Variants in CLEC4E observed in about 807,000 individuals in gnomAD.
CLEC4E encodes the protein C-type (calcium dependent, carbohydrate-recognition domain) lectin, superfamily member 9.
In CLEC4E, 21 loss-of-function variants were observed where a neutral mutation model predicts 24.7. The ratio of observed to expected loss-of-function variants is 0.85; its 90% CI spans 0.60 to 1.22. The LOEUF is 1.22. CLEC4E is among the 50% of genes most tolerant of loss of function. The pLI is 0.00. For missense variants in CLEC4E, 249 were observed against 254.1 expected (o/e 0.98, Z 0.14); for synonymous variants, 94 against 85.7 (o/e 1.10, Z -0.54).
At position 8,540,814 on chromosome 12, in the gene CLEC4E, GTT is replaced by G; in HGVS notation, c.-19_-18del. The stretch of plus-strand genomic sequence containing the variant: ...TGAATTCATTTTTTCTCTCTCTTTG[GTT>G]TTTTGTTTCTCTCTCTCTCTTTTTC... On this transcript the variant is annotated 5_prime_UTR_variant, in exon 1 of 6. Transcript: ENST00000299663. 6.5e-7 allele frequency: 1 copy of G among 1,540,098 alleles called. No individual in the cohort carries two copies. Among genetic ancestry groups the G allele is most frequent in the Non-Finnish European group, 8.9e-7 (1 of 1,128,232 alleles).
At position 8,539,261 on chromosome 12, in the gene CLEC4E, A is replaced by G. The variant is rs1169968939; in HGVS notation, c.176T>C (p.Leu59Pro). The stretch of plus-strand genomic sequence containing the variant: ...GGAGAGCTCTGTGAAATTCTCAGGT[A>G]GCTGAAACTTTTTCTCATCACAGGT... ...FQTCDEKKFQ[L>P]PENFTELSCY... Residue 59 changes from leucine (L) to proline (P), a missense_variant, in exon 3 of 6, where the codon CTA (leucine) becomes CCA (proline). Transcript: ENST00000299663. The G allele has an allele frequency of 1.9e-6, 3 of 1,613,612 alleles. No individual in the cohort carries two copies. The highest frequency in any genetic ancestry group is 1.7e-5 in the Admixed American group (1 of 59,998).
rs1940627824 is a variant in CLEC4E at position 8,537,221 on chromosome 12, G to T, written c.266C>A (p.Ser89Tyr). The change falls in exon 4 of 6, where the codon TCC becomes TAC. Residue 89 changes from serine (S) to tyrosine (Y), a missense_variant. Physicochemically the swap from Ser to Tyr is moderately radical, Grantham distance 144 (BLOSUM62 -2). Transcript: ENST00000299663. ...CCPLNWEYFQ[S>Y]SCYFFSTDTI... ...GTCAGTAGAAAAGAAGTAGCAGCTGGATTGAAAATATTCCCAGTTCAATGG... is the reference window on the plus strand; with the variant it reads ...GTCAGTAGAAAAGAAGTAGCAGCTGTATTGAAAATATTCCCAGTTCAATGG... The T allele has an allele frequency of 6.2e-7, 1 of 1,613,654 alleles. No individual in the cohort carries two copies.
chr12:8,534,698 A>G lies in CLEC4E; in HGVS notation c.600T>C (p.Asn200=), dbSNP rs770996250. 6.2e-7 allele frequency: 1 copy of G among 1,614,058 alleles called. No homozygotes were observed. The highest frequency in any genetic ancestry group is 8.5e-7 in the Non-Finnish European group (1 of 1,179,948). ...CTACCATTTCACAAATCCGAAAATAATTGAGGAAACAGGTTACATCATTCC... is the reference window on the plus strand; with the variant it reads ...CTACCATTTCACAAATCCGAAAATAGTTGAGGAAACAGGTTACATCATTCC... ...QNWNDVTCFL[N]YFRICEMVGI... The change falls in exon 6 of 6, where the codon AAT becomes AAC. Residue 200 remains asparagine, a synonymous_variant. Coordinates refer to ENST00000299663, the MANE Select transcript of CLEC4E (RefSeq NM_014358.4).
chr12:8,538,624 G>C (rs1170656416), intron 3 of CLEC4E, among the ~76,000 whole-genome samples: 1 of 152,168 alleles, frequency 6.6e-6, no homozygotes, highest in East Asian at 1.9e-4. Context: ...TTTGTCTTGT[G>C]TCTTTATTTC....
chr12:8,540,047 C>G, intron 1 of CLEC4E, 100 bp from the exon 2 acceptor site: 1 of 809,808 alleles, frequency 1.2e-6, no homozygotes, highest in Non-Finnish European at 2.1e-6. Context: ...CCTTCTACTT[C>G]CATTGTTTGT....
intron 5 of CLEC4E, among the ~76,000 whole-genome samples, chr12:8,535,210 GCAGTGATGTTA>G (rs1940596415): frequency 6.6e-6 from 1 of 152,164 alleles, no homozygotes; most frequent in East Asian, 1.9e-4. Context: ...GGTGCATCCT[GCAGTGATGTTA>G]CAGTGTGGTA....
chr12:8,539,933 A>G lies in CLEC4E; in HGVS notation c.52T>C (p.Ser18Pro). 6.2e-7 allele frequency: 1 copy of G among 1,604,544 alleles called. No homozygotes were observed. The highest frequency in any genetic ancestry group is 8.5e-7 in the Non-Finnish European group (1 of 1,171,222). Residue 18 changes from serine to proline, a missense_variant, in exon 2 of 6, where the codon TCT (serine) becomes CCT (proline). Coordinates refer to ENST00000299663, the MANE Select transcript of CLEC4E (RefSeq NM_014358.4). ...ETQCTERGCF[S>P]SQMFLWTVAG... is the part of the protein sequence containing the mutation. ...ACAGTCCATAAGAACATTTGGGAAG[A>G]GAAGCATCCTCTCTCTGTAGAAAGA...
At chr12:8,539,088 T>C in intron 3 of CLEC4E, 129 bp downstream of exon 3, 1 of 639,784 alleles carries the variant, frequency 1.6e-6, no homozygotes, top group Non-Finnish European at 2.7e-6. Context: ...ACCAAATTTC[T>C]AGGATTTTAC....
chr12:8,540,660 T>C, intron 1 of CLEC4E, 101 bp downstream of exon 1: 1 of 1,063,602 alleles, frequency 9.4e-7, no homozygotes, highest in Non-Finnish European at 1.4e-6. Context: ...CTTTTTTTTT[T>C]AACTTCAGTG....
intron 5 of CLEC4E, among the ~76,000 whole-genome samples, 168 bp from the exon 6 acceptor site, chr12:8,534,977 C>A (rs752500807): frequency 6.6e-6 from 1 of 152,206 alleles, no homozygotes; most frequent in East Asian, 1.9e-4. Context: ...GGAAGCTAAA[C>A]TAGTTGTCGA....
chr12:8,534,732 C>T lies in CLEC4E; in HGVS notation c.566G>A (p.Arg189Lys). The T allele has an allele frequency of 6.2e-7, 1 of 1,613,996 alleles. No individual in the cohort carries two copies. The highest frequency in any genetic ancestry group is 2.2e-5 in the East Asian group (1 of 44,872). The change falls in exon 6 of 6, where the codon AGG becomes AAG. Residue 189 changes from arginine (R) to lysine (K), a missense_variant. By Grantham distance (26) the Arg-to-Lys change is conservative. Coordinates refer to ENST00000299663, the MANE Select transcript of CLEC4E (RefSeq NM_014358.4). ...CATMRDSSNP[R>K]QNWNDVTCFL... ...ACAGGTTACATCATTCCAATTTTGC[C>T]TTGGGTTTGAAGAGTCTCTCATGGT...
At position 8,534,565 on chromosome 12, in the gene CLEC4E, C is replaced by A; in HGVS notation, c.*73G>T. On this transcript the variant is annotated 3_prime_UTR_variant, in exon 6 of 6. Transcript: ENST00000299663. ...CCTTTGAAGTTCAGCGCACAAATTT[C>A]TCGTGTGGGGCGGTGGGTGTGGCCA... The A allele has an allele frequency of 8.7e-7, 1 of 1,154,674 alleles. No homozygotes were observed. The highest frequency in any genetic ancestry group is 1.2e-6 in the Non-Finnish European group (1 of 807,068). 71.5% of individuals were successfully genotyped at this position (1,154,674 alleles called of 1,614,324 possible).
chr12:8,536,261 G>A lies in CLEC4E; in HGVS notation c.373-56C>T. 4.0e-6 allele frequency: 4 copies of A among 1,004,870 alleles called. No homozygotes were observed. The South Asian group carries it at 5.2e-5, about 13-fold the overall frequency. The allele number at this position is 1,004,870 out of a possible 1,614,324, so 62.2% of individuals were successfully genotyped here. A position where few individuals can be genotyped will look rare whatever the true frequency, so the allele number is the denominator to read the frequency against. On this transcript the variant is annotated intron_variant, in intron 4 of 5. Coordinates refer to ENST00000299663, the MANE Select transcript of CLEC4E (RefSeq NM_014358.4). ...GTTATTTTAGTTTTGAATAAACGTT[G>A]CTAGTAATTATTATTCAAAGAGGTA... is the stretch of plus-strand genomic sequence containing the variant.
At chr12:8,537,812 T>C (rs1300852549) in intron 3 of CLEC4E, among the ~76,000 whole-genome samples, 1 of 152,226 alleles carries the variant, frequency 6.6e-6, no homozygotes, top group Non-Finnish European at 1.5e-5. Flanking sequence ...TATATGAATA[T>C]CATTAATCAT....
intron 2 of CLEC4E, 117 bp downstream of exon 2, chr12:8,539,738 A>T: frequency 1.4e-6 from 1 of 690,210 alleles, no homozygotes; most frequent in East Asian, 2.5e-5. Flanking sequence ...AGGGAAAAAA[A>T]AAAGGGTGAA....
chr12:8,534,545 G>T lies in CLEC4E; in HGVS notation c.*93C>A. On this transcript the variant is annotated 3_prime_UTR_variant, in exon 6 of 6. Coordinates refer to ENST00000299663, the MANE Select transcript of CLEC4E (RefSeq NM_014358.4). ...GTAACAAATACTTATGAAGTCCTTT[G>T]AAGTTCAGCGCACAAATTTCTCGTG... The T allele has an allele frequency of 2.3e-6, 2 of 857,756 alleles. No homozygotes were observed. The highest frequency in any genetic ancestry group is 3.7e-6 in the Non-Finnish European group (2 of 546,770). The allele number at this position is 857,756 out of a possible 1,614,324, so 53.1% of individuals were successfully genotyped here. A position where few individuals can be genotyped will look rare whatever the true frequency, so the allele number is the denominator to read the frequency against.
At position 8,539,841 on chromosome 12, in the gene CLEC4E, C is replaced by T; in HGVS notation, c.130+14G>A. The T allele has an allele frequency of 1.3e-6, 2 of 1,535,774 alleles. No homozygotes were observed. Among genetic ancestry groups the T allele is most frequent in the Admixed American group, 1.7e-5 (1 of 59,852 alleles). ...CCAGGAAGAATTAAATTGAATTTGA[C>T]CTTCAGAACCCACCAACACATCTGG... On this transcript the variant is annotated intron_variant, in intron 2 of 5. Transcript: ENST00000299663.
At position 8,539,903 on chromosome 12, in the gene CLEC4E, C is replaced by T. The variant is rs1205436429; in HGVS notation, c.82G>A (p.Gly28Arg). ...GCACTGAGAAATAGGATGGGGATCC[C>T]AGCAACAGTCCATAAGAACATTTGG... ...SSQMFLWTVA[G>R]IPILFLSACF... The change falls in exon 2 of 6, where the codon GGG (glycine) becomes AGG (arginine). Residue 28 changes from glycine to arginine, a missense_variant. Gly to Arg is a moderately radical substitution (Grantham distance 125, BLOSUM62 -2). Coordinates refer to ENST00000299663, the MANE Select transcript of CLEC4E (RefSeq NM_014358.4). 2.5e-6 allele frequency: 4 copies of T among 1,612,640 alleles called. No homozygotes were observed. Among genetic ancestry groups the T allele is most frequent in the Admixed American group, 1.7e-5 (1 of 60,004 alleles).
In CLEC4E at chr12:8,539,297, C is replaced by T. The variant is rs778305486; in HGVS notation, c.140G>A (p.Arg47His). 3.1e-6 allele frequency: 5 copies of T among 1,605,494 alleles called. No homozygotes were observed. Among genetic ancestry groups the T allele is most frequent in the South Asian group, 1.1e-5 (1 of 89,972 alleles). The change falls in exon 3 of 6, where the codon CGC (arginine) becomes CAC (histidine). Residue 47 changes from arginine to histidine, a missense_variant. Coordinates refer to ENST00000299663, the MANE Select transcript of CLEC4E (RefSeq NM_014358.4). ...CFITRCVVTF[R>H]IFQTCDEKKF... ...TTTCTCATCACAGGTTTGAAAGATGCGAAATGTCACTGTAAAAGAAAGGGC... is the reference window on the plus strand; with the variant it reads ...TTTCTCATCACAGGTTTGAAAGATGTGAAATGTCACTGTAAAAGAAAGGGC...
Sources: allele counts gnomAD v4.1 joint callset (sites outside exome capture counted in the v4.1 genomes callset), GRCh38; gene constraint gnomAD v4.1.1; transcripts MANE v1.5; gene names NCBI Gene and HGNC (gene_info 2026-07-23, HGNC 2026-07-21).